Variants in DLGAP2 observed in about 807,000 individuals in gnomAD.
DLGAP2 encodes the protein disks large-associated protein 2.
In DLGAP2, 26 loss-of-function variants were observed where a neutral mutation model predicts 100.3. The ratio of observed to expected loss-of-function variants is 0.26; its 90% confidence interval spans 0.19 to 0.36. The LOEUF (loss-of-function observed/expected upper bound fraction) is 0.36. Among genes scored for constraint, DLGAP2 ranks in the 10% least tolerant of loss-of-function variants. DLGAP2 has a pLI of 1.00. For synonymous variants in DLGAP2, 886 were observed against 630.1 expected (o/e 1.41, Z -6.08); for missense variants, 1,858 against 1,453.2 (o/e 1.28, Z -4.53).
At chr8:1,448,077 T>G (rs1012478708) in intron 3 of DLGAP2, among the ~76,000 whole-genome samples, 6 of 152,232 alleles carry the variant, frequency 3.9e-5, no homozygotes, top group Admixed American at 2.0e-4. Flanking sequence ...TTTTTGTGTC[T>G]CTATTTCCTT....
intron 1 of DLGAP2, among the ~76,000 whole-genome samples, chr8:806,407 G>A (rs534781174): frequency 1.8e-4 from 27 of 152,186 alleles, no homozygotes; most frequent in Non-Finnish European, 3.5e-4. Context: ...TGGCGTGCGC[G>A]TCTCTGGACT....
chr8:1,439,748 C>T (rs527475082), intron 3 of DLGAP2, among the ~76,000 whole-genome samples: 2 of 151,962 alleles, frequency 1.3e-5, no homozygotes, highest in Non-Finnish European at 2.9e-5. Flanking sequence ...CCACATGTGC[C>T]CACCCTCTCC....
rs537445034 is a variant in DLGAP2 at position 850,331 on chromosome 8, C to T, written c.19-57581C>T. ...CAAAGCAATTTTTTGAACCTTCCAC[C>T]TGTTGCTACAAGTTAAAAGTTACGC... On this transcript the variant is annotated intron_variant, in intron 1 of 14. Transcript: ENST00000637795. 3.3e-5 allele frequency among the ~76,000 whole-genome samples: 5 copies of T among 152,242 alleles called. No homozygotes were observed. The South Asian group carries it at 1.0e-3, about 32-fold the overall frequency.
chr8:1,547,309 G>C (rs1466121430), intron 4 of DLGAP2, among the ~76,000 whole-genome samples: 1 of 152,134 alleles, frequency 6.6e-6, no homozygotes, highest in Non-Finnish European at 1.5e-5. Flanking sequence ...TCCTAGATGT[G>C]GCCCTGGGTG....
chr8:803,215 C>T (rs1235491035), intron 1 of DLGAP2, among the ~76,000 whole-genome samples: 2 of 152,168 alleles, frequency 1.3e-5, no homozygotes, highest in African/African-American at 4.8e-5. Context: ...GCCGCTTCCT[C>T]CCCACAAACC....
At chr8:1,330,355 T>C (rs1801123312) in intron 3 of DLGAP2, among the ~76,000 whole-genome samples, 1 of 142,262 alleles carries the variant, frequency 7.0e-6, no homozygotes, top group Non-Finnish European at 1.5e-5. Flanking sequence ...GACTGAGTTC[T>C]GGGTGGGACT....
intron 6 of DLGAP2, chr8:1,604,613 A>G (rs1280768534): frequency 7.9e-5 from 12 of 152,262 alleles, no homozygotes; most frequent in Admixed American, 7.9e-4. Context: ...CCTGGAATCT[A>G]TATTACATAC....
At chr8:1,129,061 T>C (rs1796232102) in intron 2 of DLGAP2, among the ~76,000 whole-genome samples, 1 of 152,218 alleles carries the variant, frequency 6.6e-6, no homozygotes, top group Non-Finnish European at 1.5e-5. Flanking sequence ...TTCCACTTCA[T>C]GGTCCTCTGT....
chr8:1,520,814 A>G (rs1030300361), intron 4 of DLGAP2, among the ~76,000 whole-genome samples: 5 of 152,186 alleles, frequency 3.3e-5, no homozygotes, highest in Admixed American at 2.0e-4. Context: ...ATGTTGCTAT[A>G]CACATCTGTG....
intron 2 of DLGAP2, among the ~76,000 whole-genome samples, chr8:1,042,322 G>T (rs1019101132): frequency 1.3e-5 from 2 of 152,190 alleles, no homozygotes; most frequent in African/African-American, 4.8e-5. Flanking sequence ...AATCAACAAC[G>T]TGCCTAGTAC....
intron 8 of DLGAP2, among the ~76,000 whole-genome samples, chr8:1,653,037 C>T (rs1488943097): frequency 1.3e-5 from 2 of 152,206 alleles, no homozygotes; most frequent in African/African-American, 4.8e-5. Context: ...GTTAGAAGCT[C>T]TTCATTTTCA....
intron 2 of DLGAP2, among the ~76,000 whole-genome samples, chr8:958,943 T>G (rs1030586773): frequency 3.3e-5 from 5 of 152,176 alleles, no homozygotes; most frequent in Non-Finnish European, 7.3e-5. Context: ...AATTTAGATG[T>G]TTTGGTGTGT....
intron 2 of DLGAP2, among the ~76,000 whole-genome samples, chr8:1,225,562 G>C (rs1399698878): frequency 6.6e-6 from 1 of 152,140 alleles, no homozygotes; most frequent in Non-Finnish European, 1.5e-5. Context: ...CGTCAAAATG[G>C]TTAATTTTAT....
intron 2 of DLGAP2, among the ~76,000 whole-genome samples, chr8:1,070,584 C>A (rs1019779863): frequency 1.3e-5 from 2 of 152,106 alleles, no homozygotes; most frequent in African/African-American, 2.4e-5. Context: ...ATGTTCCAAA[C>A]AGAAAGACAG....
intron 2 of DLGAP2, among the ~76,000 whole-genome samples, chr8:1,023,256 A>G (rs955380760): frequency 3.9e-5 from 6 of 152,226 alleles, no homozygotes; most frequent in African/African-American, 7.2e-5. Context: ...ATAGCAGTTC[A>G]GAAGTGGAGC....
intron 6 of DLGAP2, among the ~76,000 whole-genome samples, chr8:1,606,756 C>G (rs957722342): frequency 6.6e-6 from 1 of 152,156 alleles, no homozygotes; most frequent in South Asian, 2.1e-4. Flanking sequence ...AATCTCGGCT[C>G]ACTACAACCT....
At chr8:1,276,904 A>G (rs556916864) in intron 3 of DLGAP2, among the ~76,000 whole-genome samples, 1 of 152,214 alleles carries the variant, frequency 6.6e-6, no homozygotes, top group Non-Finnish European at 1.5e-5. Flanking sequence ...CAGGAATGTC[A>G]TGAGCAAGGA....
intron 6 of DLGAP2, chr8:1,622,167 C>T (rs1248014907): frequency 6.6e-6 from 1 of 152,218 alleles, no homozygotes; most frequent in Admixed American, 6.5e-5. Flanking sequence ...TTCACTAGCA[C>T]TGTTTAGCGT....
chr8:1,262,962 G>A (rs1002452364), intron 3 of DLGAP2, among the ~76,000 whole-genome samples: 1 of 152,090 alleles, frequency 6.6e-6, no homozygotes, highest in South Asian at 2.1e-4. Flanking sequence ...TTCCGATGTG[G>A]GAAGACAGAT....
Sources: gnomAD v4.1 joint callset for allele counts (sites outside exome capture counted in the v4.1 genomes callset) on GRCh38, gnomAD v4.1.1 for gene constraint, MANE v1.5 for transcripts, NCBI Gene and HGNC (gene_info 2026-07-23, HGNC 2026-07-21) for gene names.